The following AFF3 variants were observed in gnomAD, a reference collection of about 807,000 sequenced individuals.
The protein encoded by AFF3 is ALF transcription elongation factor 3, also known as AF4/FMR2 family member 3.
Under a neutral mutation model 129.7 loss-of-function variants are expected in AFF3, and 32 were observed. The observed-to-expected ratio is 0.25, with a 90% CI of 0.19 to 0.33. The LOEUF (loss-of-function observed/expected upper bound fraction) is 0.33. Among genes scored for constraint, AFF3 ranks in the 10% least tolerant of loss-of-function variants. AFF3 has a pLI of 1.00. For missense variants in AFF3, 1,373 were observed against 1,592.0 expected, an observed-to-expected ratio of 0.86 and a Z score of 2.34; for synonymous variants, 644 against 635.4, an observed-to-expected ratio of 1.01 and a Z score of -0.20.
rs183407242 is a variant in AFF3, at chr2:99,998,269, G to A, written c.873+8363C>T. On this transcript the variant is annotated intron_variant, in intron 7 of 24. Coordinates refer to ENST00000672756, the MANE Select transcript of AFF3 (RefSeq NM_001386135.1). ...GCTAAGAAGCGTTAAGTTATAGATG[G>A]GTTGATTTGTTCATCAGCATAAGGG... Among the ~76,000 whole-genome samples, 264 of 152,246 alleles carry A rather than the reference G, an allele frequency of 1.7e-3. 1 individual carries two copies. Among genetic ancestry groups the A allele is most frequent in the African/African-American group, 6.0e-3 (250 of 41,544 alleles).
intron 7 of AFF3, among the ~76,000 whole-genome samples, chr2:99,837,764 G>A (rs931030597): frequency 2.0e-5 from 3 of 151,988 alleles, no homozygotes; most frequent in Admixed American, 1.3e-4. Context: ...CTCAACTGTG[G>A]CCCCTCCAAC....
chr2:99,744,004 G>C, intron 10 of AFF3, 100 bp downstream of exon 10: 1 of 1,051,006 alleles, frequency 9.5e-7, no homozygotes, highest in Non-Finnish European at 1.4e-6. Flanking sequence ...GAATTTCTTT[G>C]AAACCTACTG....
At position 99,593,402 on chromosome 2, in the gene AFF3, A is replaced by C; in HGVS notation, c.2259T>G (p.Leu753=). The C allele has an allele frequency of 6.2e-7, 1 of 1,613,464 alleles. No homozygotes were observed. The highest frequency in any genetic ancestry group is 8.5e-7 in the Non-Finnish European group (1 of 1,179,840). ...CATCACTGTCCTTTAGAGGGGAGAG[A>C]AGTTCGTTCCGGCCAAAGGGGACCA... The part of the protein sequence containing the change: ...YTLVPFGRNE[L]LSPLKDSDEI... The change falls in exon 15 of 25, where the codon CTT becomes CTG. Residue 753 remains leucine (L), a synonymous_variant. Coordinates refer to ENST00000672756, the MANE Select transcript of AFF3 (RefSeq NM_001386135.1).
At chr2:99,739,888 T>C (rs1355716533) in intron 10 of AFF3, among the ~76,000 whole-genome samples, 1 of 151,906 alleles carries the variant, frequency 6.6e-6, no homozygotes, top group African/African-American at 2.4e-5. Flanking sequence ...TGTATACATG[T>C]GCCATGCTGG....
rs1414697481 is a variant in AFF3, at chr2:99,558,862, C to G, written c.3285+13G>C. Reference sequence around the variant, plus strand: ...AAATTAAGGAACAATTCTGCTCATTCACTAGACAGTACCTTGAAATAGTCG... The same window carrying G: ...AAATTAAGGAACAATTCTGCTCATTGACTAGACAGTACCTTGAAATAGTCG... On this transcript the variant is annotated intron_variant, in intron 22 of 24. Coordinates refer to ENST00000672756, the MANE Select transcript of AFF3 (RefSeq NM_001386135.1). 6.2e-7 allele frequency: 1 copy of G among 1,611,248 alleles called. No individual in the cohort carries two copies.
At chr2:99,841,620 A>G (rs1203851581) in intron 7 of AFF3, among the ~76,000 whole-genome samples, 2 of 152,184 alleles carry the variant, frequency 1.3e-5, no homozygotes, top group African/African-American at 4.8e-5. Flanking sequence ...CCCCATTTAG[A>G]TTGGAGTGAA....
intron 7 of AFF3, among the ~76,000 whole-genome samples, chr2:99,881,991 C>T (rs1183636265): frequency 6.6e-6 from 1 of 152,130 alleles, no homozygotes; most frequent in East Asian, 1.9e-4. Flanking sequence ...AGGAAAAACA[C>T]GCTGGGAAAG....
chr2:100,099,853 A>T (rs1413175083), intron 4 of AFF3, among the ~76,000 whole-genome samples: 1 of 152,112 alleles, frequency 6.6e-6, no homozygotes, highest in African/African-American at 2.4e-5. Flanking sequence ...CACACATAGT[A>T]ATAAGCGTTA....
At chr2:99,652,945 C>T (rs868685681) in intron 12 of AFF3, among the ~76,000 whole-genome samples, 3 of 152,254 alleles carry the variant, frequency 2.0e-5, no homozygotes, top group African/African-American at 4.8e-5. Flanking sequence ...GGAAGAGGAC[C>T]GGAGCCTGAG....
rs563060827 is a variant in AFF3 at position 100,056,944 on chromosome 2, GA to G, written c.53+47457del. 4.6e-4 allele frequency among the ~76,000 whole-genome samples: 69 copies of G among 151,562 alleles called. 1 individual carries two copies. Among genetic ancestry groups the G allele is most frequent in the African/African-American group, 1.6e-3 (67 of 40,914 alleles). ...AGCTGGTTCAATAAGTAAAGCTGAAGAAATGGTAAAGCACTCCACAGGGTTC... is the reference window on the plus strand; with the variant it reads ...AGCTGGTTCAATAAGTAAAGCTGAAGAATGGTAAAGCACTCCACAGGGTTC... On this transcript the variant is annotated intron_variant, in intron 4 of 24. Coordinates refer to ENST00000672756, the MANE Select transcript of AFF3 (RefSeq NM_001386135.1).
intron 7 of AFF3, among the ~76,000 whole-genome samples, chr2:99,896,309 A>G (rs1181048342): frequency 2.6e-5 from 4 of 152,192 alleles, no homozygotes; most frequent in Middle Eastern, 3.4e-3. Context: ...GTTTCCTACT[A>G]CTATCAGGGA....
chr2:99,942,697 T>G (rs1558995526), intron 7 of AFF3, among the ~76,000 whole-genome samples: 1 of 151,932 alleles, frequency 6.6e-6, no homozygotes, highest in Admixed American at 6.5e-5. Context: ...AGAGGAGCTT[T>G]GATTGTGGGG....
chr2:99,597,683 CAG>C (rs1679423738), intron 14 of AFF3, among the ~76,000 whole-genome samples: 1 of 152,242 alleles, frequency 6.6e-6, no homozygotes, highest in Non-Finnish European at 1.5e-5. Flanking sequence ...TGCAAGGATA[CAG>C]AGTTTAGTGG....
At chr2:100,058,574 T>G (rs1344609114) in intron 4 of AFF3, among the ~76,000 whole-genome samples, 1 of 152,214 alleles carries the variant, frequency 6.6e-6, no homozygotes, top group Non-Finnish European at 1.5e-5. Context: ...GTCTTTCTTT[T>G]TTTTTGGATG....
At chr2:99,852,267 G>T (rs1174680120) in intron 7 of AFF3, among the ~76,000 whole-genome samples, 1 of 151,826 alleles carries the variant, frequency 6.6e-6, no homozygotes, top group Non-Finnish European at 1.5e-5. Flanking sequence ...TTTCATGTTG[G>T]CACTAATCCC....
At chr2:99,682,669 T>A (rs1674640842) in intron 11 of AFF3, among the ~76,000 whole-genome samples, 1 of 152,176 alleles carries the variant, frequency 6.6e-6, no homozygotes. Context: ...CTTGGCATCA[T>A]CTCCCCTTTG....
intron 7 of AFF3, among the ~76,000 whole-genome samples, chr2:99,973,018 G>T (rs1037526101): frequency 6.6e-6 from 1 of 152,142 alleles, no homozygotes; most frequent in East Asian, 1.9e-4. Context: ...ATTTTACTGG[G>T]CATAATAGTA....
intron 11 of AFF3, among the ~76,000 whole-genome samples, chr2:99,713,353 C>G (rs892470986): frequency 4.0e-5 from 6 of 150,230 alleles, no homozygotes; most frequent in South Asian, 2.1e-4. Context: ...ACTGCAACCT[C>G]TGACTCCCTG....
chr2:99,713,132 G>A (rs964244076), intron 11 of AFF3, among the ~76,000 whole-genome samples: 7 of 152,142 alleles, frequency 4.6e-5, no homozygotes, highest in African/African-American at 1.7e-4. Context: ...AGTTTGGGAA[G>A]ATAAAAAGAG....
Sources: allele counts gnomAD v4.1 joint callset (sites outside exome capture counted in the v4.1 genomes callset), GRCh38; gene constraint gnomAD v4.1.1; transcripts MANE v1.5; gene names NCBI Gene and HGNC (gene_info 2026-07-23, HGNC 2026-07-21).